EFNA5: variants seen among roughly 807,000 people sequenced by gnomAD.
EFNA5 encodes ephrin-A5.
EFNA5 carries 5 observed loss-of-function variants against 22.9 expected under a neutral mutation model. The observed-to-expected ratio is 0.22, with a 90% confidence interval of 0.11 to 0.46. The LOEUF (loss-of-function observed/expected upper bound fraction) is 0.46, where lower values mean the gene tolerates loss of function less well. Among genes scored for constraint, EFNA5 ranks in the 20% least tolerant of loss-of-function variants. The pLI is 0.99. For missense variants in EFNA5, 237 were observed against 293.3 expected (o/e 0.81, Z 1.40); for synonymous variants, 113 against 112.2 (o/e 1.01, Z -0.04).
chr5:107,510,900 G>T (rs1413693784), intron 1 of EFNA5, among the ~76,000 whole-genome samples: 2 of 152,098 alleles, frequency 1.3e-5, no homozygotes, highest in South Asian at 2.1e-4. Context: ...CTCTCAAACA[G>T]AAACTATTTT....
At chr5:107,634,255 C>T (rs984081950) in intron 1 of EFNA5, among the ~76,000 whole-genome samples, 3 of 152,050 alleles carry the variant, frequency 2.0e-5, no homozygotes, top group African/African-American at 7.2e-5. Flanking sequence ...GTGTCTCACT[C>T]GTGTAATCCA....
At chr5:107,407,844 T>C (rs921040800) in intron 2 of EFNA5, among the ~76,000 whole-genome samples, 6 of 152,202 alleles carry the variant, frequency 3.9e-5, no homozygotes, top group African/African-American at 1.4e-4. Context: ...ACTGCATCTT[T>C]GCCTCTGACA....
At chr5:107,514,219 G>T (rs1260239628) in intron 1 of EFNA5, among the ~76,000 whole-genome samples, 1 of 152,156 alleles carries the variant, frequency 6.6e-6, no homozygotes, top group Non-Finnish European at 1.5e-5. Context: ...AAAGAAAACA[G>T]CAGAGAGACG....
chr5:107,655,479 TTA>T (rs1750802551), intron 1 of EFNA5, among the ~76,000 whole-genome samples: 1 of 152,248 alleles, frequency 6.6e-6, no homozygotes, highest in Admixed American at 6.5e-5. Context: ...TTGGTATGGC[TTA>T]TGTTAGACCC....
At chr5:107,410,532 G>T (rs1190446149) in intron 2 of EFNA5, among the ~76,000 whole-genome samples, 1 of 152,190 alleles carries the variant, frequency 6.6e-6, no homozygotes, top group African/African-American at 2.4e-5. Flanking sequence ...ATCCATGGAA[G>T]TCAGTTCCCT....
At chr5:107,425,839 T>C (rs1333800332) in intron 2 of EFNA5, among the ~76,000 whole-genome samples, 1 of 152,182 alleles carries the variant, frequency 6.6e-6, no homozygotes, top group Non-Finnish European at 1.5e-5. Context: ...TTAAACCGTG[T>C]AAGTTGTGAG....
At chr5:107,422,450 A>G (rs1748694528) in intron 2 of EFNA5, among the ~76,000 whole-genome samples, 2 of 152,232 alleles carry the variant, frequency 1.3e-5, no homozygotes, top group Admixed American at 6.5e-5. Flanking sequence ...ACAAGGTGTT[A>G]TTTTTATATA....
intron 4 of EFNA5, among the ~76,000 whole-genome samples, chr5:107,383,410 A>T (rs1039007769): frequency 1.2e-4 from 18 of 152,298 alleles, no homozygotes; most frequent in Non-Finnish European, 4.4e-5. Flanking sequence ...ATCTGTAGTT[A>T]ATAGGAAGTA....
At chr5:107,395,259 G>A (rs1442925597) in intron 2 of EFNA5, among the ~76,000 whole-genome samples, 2 of 151,756 alleles carry the variant, frequency 1.3e-5, no homozygotes, top group African/African-American at 4.8e-5. Flanking sequence ...GGCTGGTCTC[G>A]AACTTCTGAC....
chr5:107,478,780 AT>A (rs1270862373), intron 1 of EFNA5, among the ~76,000 whole-genome samples: 8 of 152,260 alleles, frequency 5.3e-5, no homozygotes, highest in African/African-American at 1.9e-4. Context: ...TTGTAAAATG[AT>A]TATTTTCATG....
At chr5:107,400,057 T>C (rs919310011) in intron 2 of EFNA5, among the ~76,000 whole-genome samples, 17 of 152,224 alleles carry the variant, frequency 1.1e-4, no homozygotes, top group Non-Finnish European at 2.1e-4. Flanking sequence ...TTTAATTTAT[T>C]ATAGTAAGAA....
intron 1 of EFNA5, among the ~76,000 whole-genome samples, chr5:107,628,231 A>G (rs1165871160): frequency 6.6e-6 from 1 of 152,206 alleles, no homozygotes; most frequent in Non-Finnish European, 1.5e-5. Flanking sequence ...ATGTTCTAAC[A>G]TCTAAAATAA....
chr5:107,491,676 T>C (rs1189204200), intron 1 of EFNA5, among the ~76,000 whole-genome samples: 2 of 152,154 alleles, frequency 1.3e-5, no homozygotes, highest in African/African-American at 4.8e-5. Context: ...TTTATATGTG[T>C]ATCCACAAAA....
At position 107,596,073 on chromosome 5, in the gene EFNA5, C is replaced by T. The variant is rs968995785; in HGVS notation, c.125+74416G>A. Among the ~76,000 whole-genome samples the T allele has an allele frequency of 5.3e-5, 8 of 152,086 alleles. 1 individual carries two copies. Among genetic ancestry groups the T allele is most frequent in the Non-Finnish European group, 8.8e-5 (6 of 68,024 alleles). ...AAATAAAATTCAATGGGAAGCAGTA[C>T]AGCTAACATTTTACTTAATACTACT... On this transcript the variant is annotated intron_variant, in intron 1 of 4. Transcript: ENST00000333274.
At chr5:107,601,321 A>G (rs1472361623) in intron 1 of EFNA5, among the ~76,000 whole-genome samples, 2 of 152,188 alleles carry the variant, frequency 1.3e-5, no homozygotes, top group Non-Finnish European at 2.9e-5. Flanking sequence ...CAGTGGGGAC[A>G]TTTCAAAGGA....
chr5:107,483,903 G>C (rs1228940309), intron 1 of EFNA5, among the ~76,000 whole-genome samples: 1 of 152,166 alleles, frequency 6.6e-6, no homozygotes, highest in East Asian at 1.9e-4. Context: ...TAAGGATTTG[G>C]AGCAGAGTTA....
intron 1 of EFNA5, among the ~76,000 whole-genome samples, chr5:107,433,131 A>C (rs1435161957): frequency 6.6e-6 from 1 of 152,152 alleles, no homozygotes. Flanking sequence ...AGGAGTCAAA[A>C]GTTATACCTG....
rs143471712 is a variant in EFNA5 at position 107,600,777 on chromosome 5, T to C, written c.125+69712A>G. Among the ~76,000 whole-genome samples the C allele has an allele frequency of 6.2e-3, 941 of 152,186 alleles. 10 individuals are homozygous for C. Among genetic ancestry groups the C allele is most frequent in the African/African-American group, 0.021 (889 of 41,528 alleles). ...TGCTGGGATTACAGATGTGAGCCAC[T>C]GGGCCCAGCCAAAAATGTTTCTCTC... On this transcript the variant is annotated intron_variant, in intron 1 of 4. Transcript: ENST00000333274.
At chr5:107,397,476 A>G (rs1747959117) in intron 2 of EFNA5, among the ~76,000 whole-genome samples, 1 of 151,598 alleles carries the variant, frequency 6.6e-6, no homozygotes, top group South Asian at 2.1e-4. Flanking sequence ...TGAACCTGGG[A>G]GGCGAAGGTT....
Sources: allele counts gnomAD v4.1 joint callset (sites outside exome capture counted in the v4.1 genomes callset), GRCh38; gene constraint gnomAD v4.1.1; transcripts MANE v1.5; gene names NCBI Gene and HGNC (gene_info 2026-07-23, HGNC 2026-07-21).